Variants in FAM83B observed in about 807,000 individuals in gnomAD.
FAM83B encodes the protein scaffolding CK1 anchoring protein B.
A neutral mutation model predicts 38.8 loss-of-function variants in FAM83B; 26 were observed. That is an observed-to-expected ratio of 0.67 (90% confidence interval 0.49 to 0.93). The LOEUF (loss-of-function observed/expected upper bound fraction) is 0.93. Ranked by LOEUF, FAM83B falls within the 40% of genes least tolerant of loss-of-function variation. FAM83B has a pLI of 0.00. For missense variants in FAM83B, 1,237 were observed against 1,197.3 expected (o/e 1.03, Z -0.49); for synonymous variants, 419 against 423.1 (o/e 0.99, Z 0.12).
intron 2 of FAM83B, among the ~76,000 whole-genome samples, chr6:54,888,015 T>A (rs1772319232): frequency 6.6e-6 from 1 of 150,626 alleles, no homozygotes; most frequent in Non-Finnish European, 1.5e-5. Context: ...ATTCCTTTTT[T>A]TGTTTTTTTT....
chr6:54,848,396 A>T (rs1771191783), intron 1 of FAM83B, among the ~76,000 whole-genome samples: 2 of 152,248 alleles, frequency 1.3e-5, no homozygotes, highest in South Asian at 4.1e-4. Flanking sequence ...CAGGCTTTAG[A>T]CCGCAGATGC....
At chr6:54,863,819 G>A (rs994149171) in intron 1 of FAM83B, among the ~76,000 whole-genome samples, 4 of 152,094 alleles carry the variant, frequency 2.6e-5, no homozygotes, top group African/African-American at 9.7e-5. Context: ...TAACATGTAT[G>A]TTTTTTGTTG....
At chr6:54,873,589 A>G (rs1052153095) in intron 2 of FAM83B, among the ~76,000 whole-genome samples, 1 of 151,672 alleles carries the variant, frequency 6.6e-6, no homozygotes, top group Non-Finnish European at 1.5e-5. Context: ...TCAGAGGGTA[A>G]TTTATCTTTA....
chr6:54,920,116 T>C (rs539525070), intron 2 of FAM83B, among the ~76,000 whole-genome samples: 31 of 152,062 alleles, frequency 2.0e-4, no homozygotes, highest in Middle Eastern at 3.4e-3. Flanking sequence ...ATGGATACTC[T>C]TACTTAGGCT....
At chr6:54,851,958 T>C (rs1361385986) in intron 1 of FAM83B, among the ~76,000 whole-genome samples, 2 of 144,812 alleles carry the variant, frequency 1.4e-5, no homozygotes, top group East Asian at 3.9e-4. Flanking sequence ...AATTTTTGTG[T>C]TTTTAGTAGG....
At chr6:54,902,126 T>A (rs1294260784) in intron 2 of FAM83B, among the ~76,000 whole-genome samples, 1 of 152,322 alleles carries the variant, frequency 6.6e-6, no homozygotes, top group South Asian at 2.1e-4. Flanking sequence ...CCAAGCTGTA[T>A]TTTTAAAGAT....
chr6:54,937,298 G>C (rs534841629), intron 4 of FAM83B, among the ~76,000 whole-genome samples: 5 of 152,038 alleles, frequency 3.3e-5, no homozygotes, highest in African/African-American at 1.2e-4. Flanking sequence ...AAAGGTAGCT[G>C]TTACCTCTAA....
intron 4 of FAM83B, among the ~76,000 whole-genome samples, chr6:54,934,569 C>T (rs1268788351): frequency 2.0e-5 from 3 of 152,082 alleles, no homozygotes; most frequent in African/African-American, 2.4e-5. Context: ...TGAAGATATT[C>T]TAGAAGCAGA....
intron 1 of FAM83B, among the ~76,000 whole-genome samples, chr6:54,855,178 T>C (rs1771418248): frequency 6.6e-6 from 1 of 152,242 alleles, no homozygotes; most frequent in Non-Finnish European, 1.5e-5. Context: ...CATATTGACA[T>C]GCTGGCAGCC....
intron 2 of FAM83B, among the ~76,000 whole-genome samples, chr6:54,883,133 A>T (rs1348489832): frequency 6.6e-6 from 1 of 151,450 alleles, no homozygotes; most frequent in Non-Finnish European, 1.5e-5. Context: ...TTTAGTAGAG[A>T]CTGGTTTCAC....
chr6:54,867,284 A>T (rs559804390), intron 1 of FAM83B, among the ~76,000 whole-genome samples: 1 of 152,080 alleles, frequency 6.6e-6, no homozygotes, highest in East Asian at 1.9e-4. Flanking sequence ...TTAAGTCTAT[A>T]ATTAAATACA....
At chr6:54,925,442 A>AAATT (rs963854022) in intron 2 of FAM83B, among the ~76,000 whole-genome samples, 5 of 152,178 alleles carry the variant, frequency 3.3e-5, no homozygotes. Context: ...ACAGCCACTT[A>AAATT]AATGATTTTT....
chr6:54,847,586 A>G (rs1771171256), intron 1 of FAM83B, among the ~76,000 whole-genome samples: 1 of 151,678 alleles, frequency 6.6e-6, no homozygotes, highest in Admixed American at 6.6e-5. Context: ...TGCTCCTGGA[A>G]CGGGACTTGG....
intron 2 of FAM83B, among the ~76,000 whole-genome samples, chr6:54,905,852 T>A (rs1772766386): frequency 6.6e-6 from 1 of 152,036 alleles, no homozygotes; most frequent in Non-Finnish European, 1.5e-5. Flanking sequence ...TTATGAATTC[T>A]CCATTTCTGT....
intron 2 of FAM83B, among the ~76,000 whole-genome samples, chr6:54,912,430 A>C (rs533701083): frequency 3.3e-5 from 5 of 151,304 alleles, no homozygotes; most frequent in Admixed American, 6.6e-5. Flanking sequence ...CAAAAAAAAA[A>C]AACAACAAAA....
At chr6:54,927,727 GTAAAA>G (rs1773332273) in intron 4 of FAM83B, 95 bp downstream of exon 4, 1 of 33,556 alleles carries the variant, frequency 3.0e-5, no homozygotes, top group Non-Finnish European at 4.2e-5. Flanking sequence ...TTTCTTAAAA[GTAAAA>G]AAAAAAAAAA....
At position 54,941,859 on chromosome 6, in the gene FAM83B, T is replaced by G. The variant is rs1308174088; in HGVS notation, c.2888T>G (p.Ile963Arg). Residue 963 changes from isoleucine (I) to arginine (R), a missense_variant, in exon 5 of 5, where the codon ATA becomes AGA. Transcript: ENST00000306858. ...AATACCAGTATAAATCGCCCAGAAATAAAATCTGCGACTATGGGCAACAGT... is the reference window on the plus strand; with the variant it reads ...AATACCAGTATAAATCGCCCAGAAAGAAAATCTGCGACTATGGGCAACAGT... Reference protein sequence around the residue: ...MPNTSINRPEIKSATMGNSYG... With the variant: ...MPNTSINRPERKSATMGNSYG... 8 of 1,611,540 alleles carry G rather than the reference T, an allele frequency of 5.0e-6. No homozygotes were observed. The highest frequency in any genetic ancestry group is 6.8e-6 in the Non-Finnish European group (8 of 1,178,960).
intron 2 of FAM83B, among the ~76,000 whole-genome samples, chr6:54,887,123 T>C (rs1772296303): frequency 6.6e-6 from 1 of 152,144 alleles, no homozygotes; most frequent in Non-Finnish European, 1.5e-5. Context: ...CTGTGTTGCA[T>C]TTGGTAAATG....
chr6:54,929,354 T>C (rs1773374578), intron 4 of FAM83B, among the ~76,000 whole-genome samples: 6 of 152,130 alleles, frequency 3.9e-5, no homozygotes, highest in Admixed American at 3.9e-4. Flanking sequence ...TAATTCAGTA[T>C]TCTTTGCCAT....
Sources: allele counts gnomAD v4.1 joint callset (sites outside exome capture counted in the v4.1 genomes callset), GRCh38; gene constraint gnomAD v4.1.1; transcripts MANE v1.5; gene names NCBI Gene and HGNC (gene_info 2026-07-23, HGNC 2026-07-21).